Variants in LAMA2 observed in about 807,000 individuals in gnomAD.
LAMA2 encodes the protein laminin subunit alpha-2.
In LAMA2, 269 loss-of-function variants were observed where a neutral mutation model predicts 364.8. The ratio of observed to expected loss-of-function variants is 0.74; its 90% CI spans 0.67 to 0.82. The LOEUF (loss-of-function observed/expected upper bound fraction) is 0.82, where lower values mean the gene tolerates loss of function less well. Among genes scored for constraint, LAMA2 ranks in the 40% least tolerant of loss-of-function variants. The pLI is 0.00. For missense variants in LAMA2, 3,807 were observed against 3,873.2 expected (o/e 0.98, Z 0.45); for synonymous variants, 1,379 against 1,370.6 (o/e 1.01, Z -0.14).
intron 14 of LAMA2, among the ~76,000 whole-genome samples, chr6:129,255,030 T>A (rs1193000487): frequency 6.8e-6 from 1 of 147,438 alleles, no homozygotes. Flanking sequence ...GTGGTAGAAA[T>A]GATGTATTTT....
intron 28 of LAMA2, among the ~76,000 whole-genome samples, chr6:129,322,333 C>G (rs1775016689): frequency 6.6e-6 from 1 of 152,144 alleles, no homozygotes; most frequent in Admixed American, 6.6e-5. Flanking sequence ...TACATATGTA[C>G]ACATAGTGTA....
chr6:129,428,471 C>T (rs186282550), intron 41 of LAMA2, among the ~76,000 whole-genome samples: 37 of 152,210 alleles, frequency 2.4e-4, no homozygotes, highest in African/African-American at 7.9e-4. Context: ...TTTTCTTTTT[C>T]TGAGATGAAG....
chr6:129,510,037 T>A (rs1430729543), intron 62 of LAMA2, among the ~76,000 whole-genome samples: 1 of 152,058 alleles, frequency 6.6e-6, no homozygotes, highest in Admixed American at 6.6e-5. Context: ...TAGTTTTTAT[T>A]GTACTTTCCT....
In LAMA2 at chr6:129,059,867, T is replaced by G. The variant is rs1348142560; in HGVS notation, c.367T>G (p.Tyr123Asp). 5 of 1,597,418 alleles carry G rather than the reference T, an allele frequency of 3.1e-6. No individual in the cohort carries two copies. In the Admixed American group the frequency reaches 8.3e-5, roughly 27 times the overall value. Residue 123 changes from tyrosine to aspartate, a missense_variant, in exon 3 of 65, where the codon TAT becomes GAT. Tyr to Asp is a radical substitution (Grantham distance 160). Transcript: ENST00000421865. ...TATTAAGAATGGAATCGAATACCATTATGTGACAATTACCCTGGATTTACA... is the reference window on the plus strand; with the variant it reads ...TATTAAGAATGGAATCGAATACCATGATGTGACAATTACCCTGGATTTACA... Reference protein sequence around the residue: ...PSIKNGIEYHYVTITLDLQQV... With the variant: ...PSIKNGIEYHDVTITLDLQQV...
chr6:129,246,552 C>T (rs1162785864), intron 12 of LAMA2, among the ~76,000 whole-genome samples: 3 of 152,142 alleles, frequency 2.0e-5, no homozygotes, highest in Admixed American at 6.5e-5. Context: ...TGAAACTACA[C>T]GGAAACTTGA....
chr6:129,121,430 C>T lies in LAMA2; in HGVS notation c.640-22471C>T, dbSNP rs146742904. On this transcript the variant is annotated intron_variant, in intron 4 of 64. Coordinates refer to ENST00000421865, the MANE Select transcript of LAMA2 (RefSeq NM_000426.4). ...ATTTAACTTGAATATTTTAATTTAG[C>T]ATGAGTCATTCCCATGGATTAGCAA... Among the ~76,000 whole-genome samples the T allele has an allele frequency of 2.4e-3, 367 of 152,230 alleles. 4 individuals are homozygous for T. Among genetic ancestry groups the T allele is most frequent in the Non-Finnish European group, 3.9e-3 (262 of 68,012 alleles).
chr6:129,017,161 T>C (rs567386451), intron 1 of LAMA2, among the ~76,000 whole-genome samples: 1 of 152,010 alleles, frequency 6.6e-6, no homozygotes, highest in Non-Finnish European at 1.5e-5. Flanking sequence ...TTCCAATATA[T>C]TGACCATAAG....
chr6:129,175,260 C>T (rs1381133020), intron 9 of LAMA2, among the ~76,000 whole-genome samples: 2 of 152,078 alleles, frequency 1.3e-5, no homozygotes, highest in Admixed American at 6.6e-5. Flanking sequence ...ACTCAGACAC[C>T]CACCAGTTGT....
At chr6:129,388,185 AG>A (rs1329508951) in intron 35 of LAMA2, among the ~76,000 whole-genome samples, 2 of 150,916 alleles carry the variant, frequency 1.3e-5, no homozygotes, top group Non-Finnish European at 3.0e-5. Context: ...TGAACCCAGG[AG>A]GTGCGGTCGC....
intron 62 of LAMA2, among the ~76,000 whole-genome samples, chr6:129,507,981 A>G (rs1786241358): frequency 1.0e-5 from 1 of 97,566 alleles, no homozygotes; most frequent in Non-Finnish European, 2.4e-5. Flanking sequence ...GAGATGAGAT[A>G]TGATTTTTTT....
intron 12 of LAMA2, among the ~76,000 whole-genome samples, chr6:129,202,187 C>CAA (rs776190977): frequency 0.057 from 3,491 of 61,692 alleles, 153 homozygotes; most frequent in Non-Finnish European, 0.081. Flanking sequence ...GAGTCTGTCT[C>CAA]AAAAAAAAAA....
chr6:128,931,192 G>T (rs920672162), intron 1 of LAMA2, among the ~76,000 whole-genome samples: 2 of 152,116 alleles, frequency 1.3e-5, no homozygotes, highest in Non-Finnish European at 2.9e-5. Context: ...TCAAACAAAA[G>T]AAATTTATCA....
chr6:129,383,075 C>G, intron 34 of LAMA2, 47 bp from the exon 35 acceptor site: 5 of 1,471,672 alleles, frequency 3.4e-6, no homozygotes, highest in African/African-American at 1.4e-5. Flanking sequence ...CTAGCTGTAG[C>G]TTCATCATCT....
intron 9 of LAMA2, among the ~76,000 whole-genome samples, chr6:129,166,446 T>A (rs1779747551): frequency 6.6e-6 from 1 of 152,186 alleles, no homozygotes; most frequent in African/African-American, 2.4e-5. Context: ...AGACCAGCAA[T>A]GTTTCTTAGG....
At chr6:128,993,819 A>G (rs1783758342) in intron 1 of LAMA2, among the ~76,000 whole-genome samples, 1 of 152,178 alleles carries the variant, frequency 6.6e-6, no homozygotes, top group African/African-American at 2.4e-5. Flanking sequence ...TAATATATGC[A>G]GAAGAAAAAT....
chr6:129,091,474 C>T (rs1774823848), intron 3 of LAMA2, among the ~76,000 whole-genome samples: 1 of 152,058 alleles, frequency 6.6e-6, no homozygotes, highest in African/African-American at 2.4e-5. Context: ...AATACAGGAG[C>T]CAGTTACAAC....
intron 33 of LAMA2, among the ~76,000 whole-genome samples, chr6:129,368,109 G>T (rs974209932): frequency 7.2e-5 from 11 of 152,162 alleles, no homozygotes; most frequent in Non-Finnish European, 1.3e-4. Flanking sequence ...GCTCTCTGGG[G>T]TCTCTTTAAT....
At chr6:129,370,934 C>G (rs916053471) in intron 34 of LAMA2, among the ~76,000 whole-genome samples, 1 of 152,152 alleles carries the variant, frequency 6.6e-6, no homozygotes, top group Non-Finnish European at 1.5e-5. Flanking sequence ...TGCTAAACAA[C>G]GGCCCTGATG....
intron 6 of LAMA2, among the ~76,000 whole-genome samples, chr6:129,148,114 G>A (rs1057406824): frequency 2.6e-4 from 40 of 151,974 alleles, no homozygotes; most frequent in African/African-American, 8.7e-4. Context: ...TCCCTTTACT[G>A]TTATTTTATT....
Sources: gnomAD v4.1 joint callset for allele counts (sites outside exome capture counted in the v4.1 genomes callset) on GRCh38, gnomAD v4.1.1 for gene constraint, MANE v1.5 for transcripts, NCBI Gene and HGNC (gene_info 2026-07-23, HGNC 2026-07-21) for gene names.